NHSL1: variants seen among roughly 807,000 people sequenced by gnomAD.
The protein encoded by NHSL1 is NHS-like protein 1.
In NHSL1, 48 loss-of-function variants were observed where a neutral mutation model predicts 95.0. The ratio of observed to expected loss-of-function variants is 0.51; its 90% CI spans 0.40 to 0.64. NHSL1 has a LOEUF of 0.64. Ranked by LOEUF, NHSL1 falls within the 30% of genes least tolerant of loss-of-function variation. NHSL1 has a pLI of 0.00. For missense variants in NHSL1, 1,971 were observed against 2,077.7 expected, an observed-to-expected ratio of 0.95 and a Z score of 1.00; for synonymous variants, 783 against 833.9, an observed-to-expected ratio of 0.94 and a Z score of 1.05.
chr6:138,513,353 A>G (rs1057109731), intron 1 of NHSL1, among the ~76,000 whole-genome samples: 1 of 152,060 alleles, frequency 6.6e-6, no homozygotes, highest in Non-Finnish European at 1.5e-5. Context: ...TAAACCTAAC[A>G]TTTATTCATG....
At chr6:138,437,005 C>T (rs1318932397) in intron 5 of NHSL1, among the ~76,000 whole-genome samples, 1 of 152,044 alleles carries the variant, frequency 6.6e-6, no homozygotes, top group Non-Finnish European at 1.5e-5. Flanking sequence ...GGGGCAGTGG[C>T]TCACACCTGT....
At chr6:138,508,806 T>C (rs563699492) in intron 1 of NHSL1, among the ~76,000 whole-genome samples, 1 of 152,342 alleles carries the variant, frequency 6.6e-6, no homozygotes, top group African/African-American at 2.4e-5. Flanking sequence ...TGTCACTTTA[T>C]TTCAAGGATA....
intron 1 of NHSL1, among the ~76,000 whole-genome samples, chr6:138,525,756 C>T (rs1781878512): frequency 6.6e-6 from 1 of 151,854 alleles, no homozygotes; most frequent in Non-Finnish European, 1.5e-5. Flanking sequence ...TGGAGAAATA[C>T]TTTGGGATCT....
At chr6:138,605,515 A>C (rs1421010610) in intron 1 of NHSL1, among the ~76,000 whole-genome samples, 1 of 152,196 alleles carries the variant, frequency 6.6e-6, no homozygotes, top group Non-Finnish European at 1.5e-5. Flanking sequence ...AATGGAACAG[A>C]TTTTCATCAG....
At chr6:138,621,127 C>G (rs538839746) in intron 1 of NHSL1, among the ~76,000 whole-genome samples, 1 of 152,280 alleles carries the variant, frequency 6.6e-6, no homozygotes, top group East Asian at 1.9e-4. Flanking sequence ...CACTGCTGCT[C>G]TATTAACATT....
chr6:138,579,688 G>T (rs1483636653), intron 1 of NHSL1, among the ~76,000 whole-genome samples: 1 of 152,204 alleles, frequency 6.6e-6, no homozygotes, highest in African/African-American at 2.4e-5. Flanking sequence ...GCTGGGATCT[G>T]CTGGGTTCTA....
At chr6:138,636,961 C>A (rs546893562) in intron 1 of NHSL1, among the ~76,000 whole-genome samples, 1 of 152,192 alleles carries the variant, frequency 6.6e-6, no homozygotes, top group Non-Finnish European at 1.5e-5. Flanking sequence ...AAAATCTATC[C>A]TAAGCAAAAA....
At chr6:138,532,927 T>C (rs1782195472) in intron 1 of NHSL1, among the ~76,000 whole-genome samples, 1 of 152,214 alleles carries the variant, frequency 6.6e-6, no homozygotes, top group South Asian at 2.1e-4. Flanking sequence ...TCAAGGTTCC[T>C]ATAACTTTTA....
chr6:138,660,006 A>G (rs1034311855), intron 1 of NHSL1, among the ~76,000 whole-genome samples: 2 of 152,174 alleles, frequency 1.3e-5, no homozygotes, highest in Non-Finnish European at 2.9e-5. Flanking sequence ...GTGAGCCACC[A>G]TGCCTGGCCA....
intron 1 of NHSL1, among the ~76,000 whole-genome samples, chr6:138,691,401 A>T (rs1785667271): frequency 6.6e-6 from 1 of 152,242 alleles, no homozygotes; most frequent in Non-Finnish European, 1.5e-5. Context: ...AAATTAAATA[A>T]TTGAAAATTT....
chr6:138,535,979 C>A (rs577860310), intron 1 of NHSL1, among the ~76,000 whole-genome samples: 1 of 152,012 alleles, frequency 6.6e-6, no homozygotes, highest in African/African-American at 2.4e-5. Flanking sequence ...GGGGGGCCAA[C>A]GTCAAGCAAG....
At chr6:138,548,496 A>C (rs1357084597), upstream of NHSL1, among the ~76,000 whole-genome samples, 1 of 152,200 alleles carries the variant, frequency 6.6e-6, no homozygotes, top group Non-Finnish European at 1.5e-5. Context: ...TGCAATTTTT[A>C]AGTTCATCAG....
Position 138,433,588 on chromosome 6 carries a change from C to G in NHSL1, c.757G>C (p.Ala253Pro). Residue 253 changes from alanine to proline, a missense_variant, in exon 6 of 8, where the codon GCT becomes CCT. Ala to Pro is a conservative substitution (Grantham distance 27). Transcript: ENST00000343505. ...TCCCTGGTTTCTGAGCGCTGCCCAG[C>G]AGACCGACAGCTATTGAACCTTCCT... is the stretch of plus-strand genomic sequence containing the variant. ...TLGRFNSCRSAGQRSETRDSS... is the reference protein window; with the variant it reads ...TLGRFNSCRSPGQRSETRDSS... The G allele has an allele frequency of 1.3e-6, 2 of 1,552,108 alleles. No homozygotes were observed. Among genetic ancestry groups the G allele is most frequent in the Non-Finnish European group, 1.7e-6 (2 of 1,147,076 alleles).
chr6:138,518,854 CCA>C (rs1487372383), intron 1 of NHSL1, among the ~76,000 whole-genome samples: 2 of 152,030 alleles, frequency 1.3e-5, no homozygotes, highest in Admixed American at 6.6e-5. Flanking sequence ...CCCGTCTCTA[CCA>C]AAAACACAAA....
At chr6:138,641,295 T>G (rs1784956382) in intron 1 of NHSL1, among the ~76,000 whole-genome samples, 1 of 152,164 alleles carries the variant, frequency 6.6e-6, no homozygotes, top group Non-Finnish European at 1.5e-5. Flanking sequence ...AAAACCTGGA[T>G]GAGTCGGGAA....
intron 2 of NHSL1, among the ~76,000 whole-genome samples, chr6:138,493,393 T>C (rs1454867997): frequency 6.6e-6 from 1 of 152,226 alleles, no homozygotes; most frequent in Non-Finnish European, 1.5e-5. Flanking sequence ...ATATTTCATA[T>C]AGATGTACTG....
upstream of NHSL1, among the ~76,000 whole-genome samples, chr6:138,546,238 T>C (rs1336821227): frequency 6.6e-6 from 1 of 151,900 alleles, no homozygotes; most frequent in Non-Finnish European, 1.5e-5. Flanking sequence ...GAAATGCTCT[T>C]TCAGTCCCAG....
intron 1 of NHSL1, among the ~76,000 whole-genome samples, chr6:138,629,422 G>T (rs1383461010): frequency 1.4e-5 from 2 of 146,070 alleles, no homozygotes; most frequent in Non-Finnish European, 3.0e-5. Flanking sequence ...CGCTCTTGTT[G>T]CCCAGGCTGG....
chr6:138,598,985 C>T (rs576175989), intron 1 of NHSL1, among the ~76,000 whole-genome samples: 3 of 152,272 alleles, frequency 2.0e-5, no homozygotes, highest in Non-Finnish European at 2.9e-5. Context: ...GAGCTTAGGG[C>T]CTGGAGATCC....
Sources: gnomAD v4.1 joint callset for allele counts (sites outside exome capture counted in the v4.1 genomes callset) on GRCh38, gnomAD v4.1.1 for gene constraint, MANE v1.5 for transcripts, NCBI Gene and HGNC (gene_info 2026-07-23, HGNC 2026-07-21) for gene names.